The following FOCAD variants were observed in gnomAD, a reference collection of about 807,000 sequenced individuals.
FOCAD encodes focadhesin, also known as KIAA1797.
FOCAD carries 198 observed loss-of-function variants against 225.6 expected under a neutral mutation model. The ratio of observed to expected loss-of-function variants is 0.88; its 90% confidence interval spans 0.78 to 0.99. FOCAD has a LOEUF of 0.99. FOCAD is among the 50% of genes least tolerant of loss of function. The pLI, the probability that FOCAD is intolerant of heterozygous loss-of-function variation, is 0.00. For synonymous variants in FOCAD, 897 were observed against 755.0 expected, an observed-to-expected ratio of 1.19 and a Z score of -3.08; for missense variants, 2,713 against 2,123.6, an observed-to-expected ratio of 1.28 and a Z score of -5.46.
chr9:20,972,729 T>A (rs1283230160), intron 35 of FOCAD, among the ~76,000 whole-genome samples: 1 of 152,196 alleles, frequency 6.6e-6, no homozygotes, highest in Non-Finnish European at 1.5e-5. Flanking sequence ...TTTCTTTTTC[T>A]GCTGATTCCA....
chr9:20,817,618 G>A (rs952782521), intron 11 of FOCAD, among the ~76,000 whole-genome samples: 1 of 150,400 alleles, frequency 6.6e-6, no homozygotes, highest in African/African-American at 2.5e-5. Flanking sequence ...TGGGCATTCT[G>A]CTCATATAAA....
At chr9:20,973,339 A>T (rs1385730649) in intron 35 of FOCAD, among the ~76,000 whole-genome samples, 2 of 148,500 alleles carry the variant, frequency 1.3e-5, no homozygotes, top group Non-Finnish European at 3.0e-5. Context: ...GCATCTGCTG[A>T]TGTGGGCTCT....
At chr9:20,729,600 A>C (rs574627727) in intron 4 of FOCAD, among the ~76,000 whole-genome samples, 1 of 152,220 alleles carries the variant, frequency 6.6e-6, no homozygotes, top group African/African-American at 2.4e-5. Context: ...TTGTGTGAGC[A>C]TATGTGTGCT....
intron 11 of FOCAD, among the ~76,000 whole-genome samples, chr9:20,792,049 G>A (rs1027048983): frequency 1.3e-5 from 2 of 152,100 alleles, no homozygotes; most frequent in Admixed American, 1.3e-4. Context: ...CTGGCCACCT[G>A]GTATGTAGAA....
intron 1 of FOCAD, among the ~76,000 whole-genome samples, chr9:20,711,272 C>T (rs1434632057): frequency 6.6e-6 from 1 of 152,150 alleles, no homozygotes; most frequent in Non-Finnish European, 1.5e-5. Context: ...AGATTTTGAA[C>T]ATGTGGGACC....
chr9:20,729,576 T>C (rs1826500951), intron 4 of FOCAD, among the ~76,000 whole-genome samples: 1 of 152,178 alleles, frequency 6.6e-6, no homozygotes, highest in Non-Finnish European at 1.5e-5. Context: ...AACTTTCTGC[T>C]CACTGTGTCT....
chr9:20,906,711 A>G (rs907007371), intron 21 of FOCAD, among the ~76,000 whole-genome samples: 4 of 152,062 alleles, frequency 2.6e-5, no homozygotes, highest in African/African-American at 7.2e-5. Context: ...TCTGTTGGCA[A>G]TATAAATTTA....
At chr9:20,921,674 A>T (rs1224373275) in intron 24 of FOCAD, among the ~76,000 whole-genome samples, 2 of 152,206 alleles carry the variant, frequency 1.3e-5, no homozygotes, top group Non-Finnish European at 2.9e-5. Flanking sequence ...TTATCCAAAT[A>T]TGTGTTCATT....
chr9:20,949,032 G>A, intron 32 of FOCAD, 104 bp downstream of exon 32: 1 of 1,047,330 alleles, frequency 9.5e-7, no homozygotes, highest in Non-Finnish European at 1.4e-6. Flanking sequence ...AAGGATTTAT[G>A]CTCATGGTAA....
chr9:20,897,961 A>G (rs1832239124), intron 21 of FOCAD, among the ~76,000 whole-genome samples: 2 of 151,784 alleles, frequency 1.3e-5, no homozygotes, highest in Admixed American at 1.3e-4. Flanking sequence ...TGCTTGTCTG[A>G]GCAAGGCTTT....
chr9:20,849,450 C>T (rs756820713), intron 15 of FOCAD, among the ~76,000 whole-genome samples: 31 of 151,520 alleles, frequency 2.0e-4, no homozygotes, highest in Non-Finnish European at 3.7e-4. Flanking sequence ...CTAATATAGT[C>T]AGTCAACCTT....
At chr9:20,771,971 T>G (rs1413766607) in intron 8 of FOCAD, among the ~76,000 whole-genome samples, 1 of 152,134 alleles carries the variant, frequency 6.6e-6, no homozygotes, top group Non-Finnish European at 1.5e-5. Flanking sequence ...CACTTAACCT[T>G]AATGACTTCC....
chr9:20,931,435 G>T (rs149861146), intron 27 of FOCAD, among the ~76,000 whole-genome samples: 3 of 152,120 alleles, frequency 2.0e-5, no homozygotes, highest in African/African-American at 7.2e-5. Flanking sequence ...TGGAATTGAG[G>T]AATCTCAAAT....
Position 20,940,966 on chromosome 9 carries a change from T to A in FOCAD, c.3408-3661T>A, listed in dbSNP as rs75209790. ...CAAGTGTCACCCACACTTTTTTTTT[T>A]AATATTTTAATTCTTCCTTCTGCTT... On this transcript the variant is annotated intron_variant, in intron 28 of 43. Coordinates refer to ENST00000338382, the MANE Select transcript of FOCAD (RefSeq NM_001375567.1). 2.3e-3 allele frequency among the ~76,000 whole-genome samples: 345 copies of A among 152,244 alleles called. 1 individual carries two copies. Among genetic ancestry groups the A allele is most frequent in the African/African-American group, 7.5e-3 (313 of 41,546 alleles).
chr9:20,700,328 C>T (rs886869763), intron 1 of FOCAD, among the ~76,000 whole-genome samples: 10 of 151,746 alleles, frequency 6.6e-5, no homozygotes, highest in African/African-American at 2.4e-4. Context: ...GACCCATTTT[C>T]CATCTCTATT....
At chr9:20,783,217 A>G (rs780453624) in intron 10 of FOCAD, among the ~76,000 whole-genome samples, 5 of 152,182 alleles carry the variant, frequency 3.3e-5, no homozygotes, top group Non-Finnish European at 7.4e-5. Context: ...TCTTATTATT[A>G]ACACTAATAT....
chr9:20,671,985 T>G (rs1336142441), intron 2 of FOCAD, among the ~76,000 whole-genome samples: 3 of 152,100 alleles, frequency 2.0e-5, no homozygotes. Flanking sequence ...GTTGTAGTTT[T>G]TTTTTTTTTT....
intron 1 of FOCAD, among the ~76,000 whole-genome samples, chr9:20,704,543 A>G (rs1237918085): frequency 6.6e-6 from 1 of 152,202 alleles, no homozygotes; most frequent in Non-Finnish European, 1.5e-5. Context: ...CTAGCAGTCT[A>G]CTTGGGGAAA....
At chr9:20,686,735 G>A (rs375662970) in intron 1 of FOCAD, among the ~76,000 whole-genome samples, 1 of 152,098 alleles carries the variant, frequency 6.6e-6, no homozygotes, top group East Asian at 1.9e-4. Flanking sequence ...GAGATGCATG[G>A]TATAATAAAG....
Sources: gnomAD v4.1 joint callset for allele counts (sites outside exome capture counted in the v4.1 genomes callset) on GRCh38, gnomAD v4.1.1 for gene constraint, MANE v1.5 for transcripts, NCBI Gene and HGNC (gene_info 2026-07-23, HGNC 2026-07-21) for gene names.